CORO2A: variants seen among roughly 807,000 people sequenced by gnomAD.
The protein encoded by CORO2A is coronin 2A.
In CORO2A, 47 loss-of-function variants were observed where a neutral mutation model predicts 62.4. The observed-to-expected ratio is 0.75, with a 90% confidence interval of 0.60 to 0.96. The LOEUF is 0.96. Among genes scored for constraint, CORO2A ranks in the 40% least tolerant of loss-of-function variants. The probability of loss-of-function intolerance (pLI) is 0.00; values close to 1 mark genes in which losing one functional copy is unlikely to be tolerated. For synonymous variants in CORO2A, 273 were observed against 268.9 expected, an observed-to-expected ratio of 1.02 and a Z score of -0.15; for missense variants, 610 against 684.1, an observed-to-expected ratio of 0.89 and a Z score of 1.21.
At chr9:98,185,630 G>T (rs1161310289) in intron 1 of CORO2A, among the ~76,000 whole-genome samples, 1 of 152,224 alleles carries the variant, frequency 6.6e-6, no homozygotes, top group Non-Finnish European at 1.5e-5. Context: ...TCTGCAGTGG[G>T]CTCAATTCCC....
At chr9:98,172,743 C>T (rs2118913951) in intron 1 of CORO2A, 1 of 152,292 alleles carries the variant, frequency 6.6e-6, no homozygotes, top group South Asian at 2.1e-4. Context: ...TTCCAGCCTC[C>T]AGGAGCTCCA....
intron 1 of CORO2A, among the ~76,000 whole-genome samples, chr9:98,174,620 C>T (rs537807406): frequency 1.3e-5 from 2 of 152,220 alleles, no homozygotes; most frequent in South Asian, 4.2e-4. Context: ...GCGGTTTCCC[C>T]CAGGCTGTTC....
intron 8 of CORO2A, 44 bp from the exon 9 acceptor site, chr9:98,128,763 G>A (rs2118796927): frequency 6.4e-7 from 1 of 1,557,240 alleles, no homozygotes; most frequent in Non-Finnish European, 8.9e-7. Flanking sequence ...GCTAGGCTGG[G>A]GCCACAGTGT....
chr9:98,167,451 A>G (rs1827977259), intron 1 of CORO2A, among the ~76,000 whole-genome samples: 1 of 152,258 alleles, frequency 6.6e-6, no homozygotes, highest in African/African-American at 2.4e-5. Context: ...AATGATTTAG[A>G]TGGCAAATAC....
In CORO2A at chr9:98,133,049, T is replaced by A. The variant is rs1827431510; in HGVS notation, c.637A>T (p.Thr213Ser). Residue 213 changes from threonine to serine, a missense_variant, in exon 5 of 12, where the codon ACC (threonine) becomes TCC (serine). By Grantham distance (58) the Thr-to-Ser change is moderately conservative. Coordinates refer to ENST00000375077, the MANE Select transcript of CORO2A (RefSeq NM_052820.4). ...KIRVIDPRAG[T>S]VLQEASYKGH... is the part of the protein sequence containing the mutation. ...GGCCCAGAACTGACCTGGAGGACGG[T>A]CCCTGCTCGGGGGTCAATAACCCGA... is the stretch of plus-strand genomic sequence containing the variant. The A allele has an allele frequency of 1.9e-6, 3 of 1,614,182 alleles. No individual in the cohort carries two copies. Among genetic ancestry groups the A allele is most frequent in the East Asian group, 2.2e-5 (1 of 44,874 alleles).
chr9:98,155,849 T>C (rs910727671), intron 2 of CORO2A, among the ~76,000 whole-genome samples: 1 of 152,200 alleles, frequency 6.6e-6, no homozygotes, highest in Non-Finnish European at 1.5e-5. Flanking sequence ...GTTTTTCTCA[T>C]TCCTGATGCT....
intron 10 of CORO2A, chr9:98,127,036 C>G (rs890586867): frequency 1.6e-6 from 1 of 609,338 alleles, no homozygotes; most frequent in Non-Finnish European, 2.9e-6. Context: ...CAGAGTGAAG[C>G]TTGGTTTGTA....
chr9:98,144,601 G>A (rs142022784), intron 2 of CORO2A, among the ~76,000 whole-genome samples: 1 of 152,216 alleles, frequency 6.6e-6, no homozygotes, highest in Non-Finnish European at 1.5e-5. Flanking sequence ...TTTGAGCTCA[G>A]AGGAGAGGCA....
intron 2 of CORO2A, among the ~76,000 whole-genome samples, chr9:98,153,642 G>A (rs1006569937): frequency 4.7e-5 from 6 of 127,022 alleles, no homozygotes; most frequent in African/African-American, 2.0e-4. Flanking sequence ...TAACTTCTCT[G>A]TTTCCAAACA....
At chr9:98,139,218 G>A (rs1288423333) in intron 2 of CORO2A, among the ~76,000 whole-genome samples, 1 of 152,064 alleles carries the variant, frequency 6.6e-6, no homozygotes, top group African/African-American at 2.4e-5. Context: ...GGTGGTGACA[G>A]TTTATTCACA....
intron 2 of CORO2A, among the ~76,000 whole-genome samples, chr9:98,143,506 C>T (rs1360302430): frequency 3.9e-5 from 6 of 152,296 alleles, no homozygotes; most frequent in Non-Finnish European, 1.5e-5. Flanking sequence ...GGGGTGGAAT[C>T]CCTGCCACAT....
At chr9:98,172,706 G>A (rs1282471432) in intron 1 of CORO2A, 3 of 152,286 alleles carry the variant, frequency 2.0e-5, no homozygotes, top group Non-Finnish European at 2.9e-5. Context: ...GCTGGCAGGA[G>A]AGGATGGTGA....
In CORO2A at chr9:98,162,884, C is replaced by T. The variant is rs536772722; in HGVS notation, c.1-5224G>A. Among the ~76,000 whole-genome samples, 7 of 152,360 alleles carry T rather than the reference C, an allele frequency of 4.6e-5. No individual in the cohort carries two copies. The South Asian group carries it at 8.3e-4, about 18-fold the overall frequency. On this transcript the variant is annotated intron_variant, in intron 1 of 11. Transcript: ENST00000375077. ...ACTTGCCCACAAGTGAGTACTGTAG[C>T]GGGCCCTTCGCCTACAGGCTGGGCC...
At chr9:98,154,426 AT>A (rs1320159577) in intron 2 of CORO2A, among the ~76,000 whole-genome samples, 3 of 150,060 alleles carry the variant, frequency 2.0e-5, no homozygotes, top group African/African-American at 4.9e-5. Context: ...AGTGTAAAGA[AT>A]GAAAATTATC....
Position 98,173,677 on chromosome 9 carries a change from T to C in CORO2A, c.1-16017A>G, listed in dbSNP as rs551500386. 3.9e-5 allele frequency among the ~76,000 whole-genome samples: 6 copies of C among 152,318 alleles called. No homozygotes were observed. The South Asian group carries it at 1.2e-3, about 32-fold the overall frequency. On this transcript the variant is annotated intron_variant, in intron 1 of 11. Coordinates refer to ENST00000375077, the MANE Select transcript of CORO2A (RefSeq NM_052820.4). ...TCCACCTATTGCGTCTGCTGTCCCATAACAGCTTCGCAGCCCAGTACACGT... is the reference window on the plus strand; with the variant it reads ...TCCACCTATTGCGTCTGCTGTCCCACAACAGCTTCGCAGCCCAGTACACGT...
In CORO2A at chr9:98,122,296, C is replaced by T. The variant is rs571745146; in HGVS notation, c.*2478G>A. The T allele has an allele frequency of 1.3e-5, 2 of 152,248 alleles. No individual in the cohort carries two copies. The highest frequency in any genetic ancestry group is 1.3e-4 in the Admixed American group (2 of 15,280). The allele number at this position is 152,248 out of a possible 1,614,324, so 9.4% of individuals were successfully genotyped here. On this transcript the variant is annotated 3_prime_UTR_variant, in exon 12 of 12. Transcript: ENST00000375077. ...AGCTTATATGACCATACAGGCCCTA[C>T]TCTGGAGATTCAGCTTCAGTTGGTC...
intron 2 of CORO2A, among the ~76,000 whole-genome samples, chr9:98,149,889 A>G (rs565231707): frequency 6.6e-6 from 1 of 151,976 alleles, no homozygotes; most frequent in African/African-American, 2.4e-5. Flanking sequence ...CACACATTTT[A>G]TCTAGGATCA....
intron 6 of CORO2A, 151 bp from the exon 7 acceptor site, chr9:98,131,210 G>C: frequency 1.7e-6 from 1 of 605,174 alleles, no homozygotes; most frequent in South Asian, 2.0e-5. Flanking sequence ...TGTGCGGGGG[G>C]AAGATGTCCC....
chr9:98,136,467 C>G (rs576400024), intron 3 of CORO2A, among the ~76,000 whole-genome samples: 8 of 152,362 alleles, frequency 5.3e-5, no homozygotes, highest in African/African-American at 1.7e-4. Flanking sequence ...CCCATTTTGC[C>G]TTGGCTGCCA....
Sources: gnomAD v4.1 joint callset for allele counts (sites outside exome capture counted in the v4.1 genomes callset) on GRCh38, gnomAD v4.1.1 for gene constraint, MANE v1.5 for transcripts, NCBI Gene and HGNC (gene_info 2026-07-23, HGNC 2026-07-21) for gene names.